The following TNR variants were observed in gnomAD, a reference collection of about 807,000 sequenced individuals.
TNR encodes tenascin R.
A neutral mutation model predicts 150.4 loss-of-function variants in TNR; 45 were observed. The observed-to-expected ratio is 0.30, with a 90% confidence interval of 0.24 to 0.38. The LOEUF (loss-of-function observed/expected upper bound fraction) is 0.38. Ranked by LOEUF, TNR falls within the 10% of genes least tolerant of loss-of-function variation. The probability of loss-of-function intolerance (pLI) is 1.00; values close to 1 mark genes in which losing one functional copy is unlikely to be tolerated. For missense variants in TNR, 1,544 were observed against 1,759.1 expected (o/e 0.88, Z 2.19); for synonymous variants, 687 against 678.4 (o/e 1.01, Z -0.20).
chr1:175,436,527 A>T (rs534031300), intron 2 of TNR, among the ~76,000 whole-genome samples: 2 of 152,154 alleles, frequency 1.3e-5, no homozygotes, highest in Non-Finnish European at 2.9e-5. Context: ...TTCACACATA[A>T]CAATATTAAC....
chr1:175,571,426 T>G (rs1378525656), intron 1 of TNR, among the ~76,000 whole-genome samples: 1 of 152,236 alleles, frequency 6.6e-6, no homozygotes, highest in African/African-American at 2.4e-5. Flanking sequence ...TATTACTATC[T>G]CCATGTTACA....
chr1:175,356,826 A>G (rs1651353734), intron 15 of TNR, among the ~76,000 whole-genome samples: 1 of 152,082 alleles, frequency 6.6e-6, no homozygotes, highest in Non-Finnish European at 1.5e-5. Flanking sequence ...ACTTCCCATC[A>G]CATTTATGTG....
At chr1:175,601,659 A>T (rs1463193282) in intron 1 of TNR, among the ~76,000 whole-genome samples, 1 of 152,232 alleles carries the variant, frequency 6.6e-6, no homozygotes, top group African/African-American at 2.4e-5. Flanking sequence ...ACTAAGAGTC[A>T]TTGAGAACCT....
At chr1:175,326,776 T>C (rs1333315104) in intron 21 of TNR, among the ~76,000 whole-genome samples, 1 of 152,206 alleles carries the variant, frequency 6.6e-6, no homozygotes, top group Non-Finnish European at 1.5e-5. Context: ...CAAGCGATTC[T>C]CCTGCCTCAG....
chr1:175,605,392 C>A (rs572533466), intron 1 of TNR, among the ~76,000 whole-genome samples: 2 of 152,258 alleles, frequency 1.3e-5, no homozygotes, highest in South Asian at 4.2e-4. Context: ...TTAAAACTGC[C>A]AGCGCATGTA....
At chr1:175,618,702 C>A (rs1258010708) in intron 1 of TNR, among the ~76,000 whole-genome samples, 1 of 152,174 alleles carries the variant, frequency 6.6e-6, no homozygotes, top group African/African-American at 2.4e-5. Context: ...AATCCCCCAA[C>A]CTGGTTGGCC....
chr1:175,734,373 T>C (rs1667719236), intron 1 of TNR, among the ~76,000 whole-genome samples: 1 of 152,232 alleles, frequency 6.6e-6, no homozygotes. Flanking sequence ...CCCCATTTGA[T>C]GGGTGAGGAA....
At chr1:175,397,960 G>C (rs995937582) in intron 4 of TNR, among the ~76,000 whole-genome samples, 2 of 152,190 alleles carry the variant, frequency 1.3e-5, no homozygotes, top group Admixed American at 1.3e-4. Flanking sequence ...TATTTAAATG[G>C]TCATTATTAA....
intron 2 of TNR, among the ~76,000 whole-genome samples, chr1:175,480,131 A>G (rs1657717625): frequency 6.6e-6 from 1 of 152,064 alleles, no homozygotes; most frequent in South Asian, 2.1e-4. Context: ...CTCCTCCTAC[A>G]TGTCTCTGGA....
intron 3 of TNR, among the ~76,000 whole-genome samples, chr1:175,403,959 G>T (rs1157495463): frequency 6.6e-6 from 1 of 152,140 alleles, no homozygotes; most frequent in Admixed American, 6.5e-5. Flanking sequence ...AGAAAAAACT[G>T]GTAGGGAAGA....
At chr1:175,530,878 T>C (rs899250217) in intron 1 of TNR, among the ~76,000 whole-genome samples, 25 of 152,332 alleles carry the variant, frequency 1.6e-4, no homozygotes, top group African/African-American at 5.1e-4. Context: ...AATGTGGATA[T>C]GTGCACTTAT....
chr1:175,330,345 TC>T, intron 20 of TNR, 110 bp from the exon 21 acceptor site: 1 of 1,164,162 alleles, frequency 8.6e-7, no homozygotes, highest in Non-Finnish European at 1.2e-6. Context: ...AGGAGGGGAC[TC>T]CAGATTGCTT....
In TNR at chr1:175,332,842, T is replaced by A. The variant is rs547362169; in HGVS notation, c.3632-2607A>T. On this transcript the variant is annotated intron_variant, in intron 20 of 22. Coordinates refer to ENST00000367674, the MANE Select transcript of TNR (RefSeq NM_003285.3). ...TCTGTGGCCTTCATTTCAGTGACTC[T>A]TATGTTAGAACAGTGTTACCCAGTG... Among the ~76,000 whole-genome samples the A allele has an allele frequency of 7.2e-5, 11 of 152,326 alleles. No homozygotes were observed. In the South Asian group the frequency reaches 2.3e-3, roughly 32 times the overall value.
intron 2 of TNR, among the ~76,000 whole-genome samples, chr1:175,408,226 G>A (rs1411201944): frequency 6.6e-6 from 1 of 152,154 alleles, no homozygotes. Context: ...GCTTCAGGAC[G>A]GCGAGAGTGC....
chr1:175,687,604 T>C (rs1299664741), intron 1 of TNR, among the ~76,000 whole-genome samples: 2 of 152,144 alleles, frequency 1.3e-5, no homozygotes, highest in Non-Finnish European at 2.9e-5. Context: ...AACCCCGAAA[T>C]GAAGAAGAGA....
At position 175,457,582 on chromosome 1, in the gene TNR, C is replaced by T. The variant is rs73044416; in HGVS notation, c.-63-50805G>A. Among the ~76,000 whole-genome samples, 40 of 150,708 alleles carry T rather than the reference C, an allele frequency of 2.7e-4. 1 individual carries two copies. Among genetic ancestry groups the T allele is most frequent in the African/African-American group, 8.3e-4 (34 of 40,934 alleles). On this transcript the variant is annotated intron_variant, in intron 2 of 22. Transcript: ENST00000367674. ...AATCTATGGTGTGTGAGAACATGGG[C>T]TCTACACCAGATCTATAAATGAATG...
chr1:175,444,805 C>T (rs760392082), intron 2 of TNR, among the ~76,000 whole-genome samples: 5 of 152,118 alleles, frequency 3.3e-5, no homozygotes, highest in Non-Finnish European at 5.9e-5. Flanking sequence ...GGTGATGTTT[C>T]ATCCGGGACC....
intron 1 of TNR, among the ~76,000 whole-genome samples, chr1:175,539,605 G>A (rs1660422678): frequency 6.6e-6 from 1 of 152,186 alleles, no homozygotes; most frequent in African/African-American, 2.4e-5. Context: ...AAGTTGAAGG[G>A]AAACACAGAC....
intron 1 of TNR, among the ~76,000 whole-genome samples, chr1:175,742,787 G>A (rs1667967033): frequency 6.6e-6 from 1 of 152,070 alleles, no homozygotes; most frequent in African/African-American, 2.4e-5. Flanking sequence ...AACCCCCCAG[G>A]CTTCCTTTGC....
Sources: allele counts gnomAD v4.1 joint callset (sites outside exome capture counted in the v4.1 genomes callset), GRCh38; gene constraint gnomAD v4.1.1; transcripts MANE v1.5; gene names NCBI Gene and HGNC (gene_info 2026-07-23, HGNC 2026-07-21).